The following TMEM108 variants were observed in gnomAD, a reference collection of about 807,000 sequenced individuals.
TMEM108 encodes cancer/testis antigen 124.
In TMEM108, 12 loss-of-function variants were observed where a neutral mutation model predicts 35.1. The observed-to-expected ratio is 0.34, with a 90% CI of 0.22 to 0.55. The LOEUF is 0.55. Among genes scored for constraint, TMEM108 ranks in the 20% least tolerant of loss-of-function variants. TMEM108 has a pLI of 0.89. For synonymous variants in TMEM108, 287 were observed against 308.6 expected (o/e 0.93, Z 0.73); for missense variants, 680 against 753.3 (o/e 0.90, Z 1.14).
chr3:133,242,396 A>C (rs934735306), intron 3 of TMEM108, among the ~76,000 whole-genome samples: 1 of 152,242 alleles, frequency 6.6e-6, no homozygotes, highest in Non-Finnish European at 1.5e-5. Context: ...AAGAGATGGA[A>C]CCATGAGTTT....
chr3:133,163,127 A>C (rs79828173), intron 2 of TMEM108, among the ~76,000 whole-genome samples: 4,996 of 152,258 alleles, frequency 0.033, 284 homozygotes, highest in African/African-American at 0.11. Flanking sequence ...CATCTCCCAG[A>C]GAGTGCCAAG....
In TMEM108 at chr3:133,379,842, GCAC is replaced by G; in HGVS notation, c.132_134del (p.Thr45del). The G allele has an allele frequency of 6.2e-7, 1 of 1,613,866 alleles. No homozygotes were observed. Among genetic ancestry groups the G allele is most frequent in the Non-Finnish European group, 8.5e-7 (1 of 1,179,918 alleles). On this transcript the variant is annotated inframe_deletion, in exon 4 of 6. Coordinates refer to ENST00000321871, the MANE Select transcript of TMEM108 (RefSeq NM_023943.4). The stretch of plus-strand genomic sequence containing the variant: ...GAATCTCTTCAGGTCCTCCCTTCAG[GCAC>G]TCCCCCGGGAACCATGGTGACAGCA...
In TMEM108 at chr3:133,397,071, C is replaced by G. The variant is rs1005570521; in HGVS notation, c.*1085C>G. 6.6e-6 allele frequency: 1 copy of G among 152,234 alleles called. No individual in the cohort carries two copies. The highest frequency in any genetic ancestry group is 1.5e-5 in the Non-Finnish European group (1 of 68,048). The allele number at this position is 152,234 out of a possible 1,614,324, so 9.4% of individuals were successfully genotyped here. ...CAGCCGGTGGACTTGCCATCCAGCT[C>G]TCAGCTTCCACTGCTCCCCTTGTTC... is the stretch of plus-strand genomic sequence containing the variant. On this transcript the variant is annotated 3_prime_UTR_variant, in exon 6 of 6. Transcript: ENST00000321871.
chr3:133,372,551 G>GC lies in TMEM108; in HGVS notation c.41-7199dup, dbSNP rs149655574. Among the ~76,000 whole-genome samples, 417 of 152,276 alleles carry GC rather than the reference G, an allele frequency of 2.7e-3. 2 individuals are homozygous for GC. The highest frequency in any genetic ancestry group is 9.7e-3 in the African/African-American group (403 of 41,558). On this transcript the variant is annotated intron_variant, in intron 3 of 5. Coordinates refer to ENST00000321871, the MANE Select transcript of TMEM108 (RefSeq NM_023943.4). ...CAAGGTGAATTCATGTTGGCTGAAGGCCATAGGTGTGTCTGGGGCACACAA... is the reference window on the plus strand; with the variant it reads ...CAAGGTGAATTCATGTTGGCTGAAGGCCCATAGGTGTGTCTGGGGCACACAA...
At chr3:133,383,841 C>T (rs545146888) in intron 4 of TMEM108, among the ~76,000 whole-genome samples, 1 of 152,300 alleles carries the variant, frequency 6.6e-6, no homozygotes, top group South Asian at 2.1e-4. Flanking sequence ...ACCGCACACC[C>T]CACTCCCTTT....
intron 3 of TMEM108, among the ~76,000 whole-genome samples, chr3:133,284,144 C>A (rs1946953137): frequency 1.3e-5 from 2 of 152,146 alleles, no homozygotes; most frequent in African/African-American, 4.8e-5. Context: ...TCTGTTTGGG[C>A]TCCTCTATTT....
chr3:133,162,168 T>A (rs932733809), intron 2 of TMEM108, among the ~76,000 whole-genome samples: 1 of 151,914 alleles, frequency 6.6e-6, no homozygotes, highest in African/African-American at 2.4e-5. Flanking sequence ...TTTTCATATA[T>A]ACAAAAGGTT....
At chr3:133,250,643 A>T (rs576580753) in intron 3 of TMEM108, among the ~76,000 whole-genome samples, 1 of 152,348 alleles carries the variant, frequency 6.6e-6, no homozygotes, top group South Asian at 2.1e-4. Flanking sequence ...TACAGTTAGC[A>T]GCAATAGCCT....
At chr3:133,253,383 A>G (rs1366770131) in intron 3 of TMEM108, 2 of 152,320 alleles carry the variant, frequency 1.3e-5, no homozygotes, top group East Asian at 1.9e-4. Context: ...GCATCAAGTG[A>G]TCTGTAAGGT....
intron 2 of TMEM108, among the ~76,000 whole-genome samples, chr3:133,219,799 G>C (rs1345240271): frequency 6.6e-6 from 1 of 152,074 alleles, no homozygotes; most frequent in East Asian, 1.9e-4. Context: ...TGTGTATTCT[G>C]CTGCTCTTAG....
intron 2 of TMEM108, among the ~76,000 whole-genome samples, chr3:133,217,115 C>T (rs527763407): frequency 6.6e-6 from 1 of 152,116 alleles, no homozygotes; most frequent in African/African-American, 2.4e-5. Context: ...TTGGTAATAG[C>T]CATTCTAACA....
chr3:133,106,175 GTTT>G (rs745343008), intron 2 of TMEM108, among the ~76,000 whole-genome samples: 6 of 89,658 alleles, frequency 6.7e-5, no homozygotes, highest in African/African-American at 1.3e-4. Context: ...GAGGTTAAAG[GTTT>G]TTTTTTTTTT....
chr3:133,181,361 G>A (rs1945342292), intron 2 of TMEM108, among the ~76,000 whole-genome samples: 2 of 152,018 alleles, frequency 1.3e-5, no homozygotes, highest in Admixed American at 6.6e-5. Context: ...CAATCACTAG[G>A]GGCTACATTA....
chr3:133,194,404 A>G (rs753978203), intron 2 of TMEM108, among the ~76,000 whole-genome samples: 30 of 152,062 alleles, frequency 2.0e-4, no homozygotes, highest in Non-Finnish European at 3.1e-4. Context: ...CATTAATACT[A>G]TTTTTTCAAA....
intron 3 of TMEM108, among the ~76,000 whole-genome samples, chr3:133,279,808 A>G (rs920443903): frequency 1.3e-5 from 2 of 152,212 alleles, no homozygotes; most frequent in Non-Finnish European, 2.9e-5. Flanking sequence ...AATAGAATCT[A>G]TGAGCTTGTC....
At chr3:133,304,219 C>G (rs992211099) in intron 3 of TMEM108, among the ~76,000 whole-genome samples, 1 of 152,160 alleles carries the variant, frequency 6.6e-6, no homozygotes, top group Non-Finnish European at 1.5e-5. Context: ...CTGTGGTCAT[C>G]TCACTCTAAG....
chr3:133,388,461 T>C (rs2073186894), intron 4 of TMEM108: 3 of 985,090 alleles, frequency 3.0e-6, no homozygotes, highest in Non-Finnish European at 3.6e-6. Context: ...TCTTCAACCA[T>C]CTGAAGAAAG....
intron 2 of TMEM108, among the ~76,000 whole-genome samples, chr3:133,175,096 T>G (rs1945196812): frequency 1.3e-5 from 2 of 152,076 alleles, no homozygotes; most frequent in Non-Finnish European, 2.9e-5. Flanking sequence ...ATCAAATGAA[T>G]GAAATGAAGT....
At chr3:133,153,880 C>CAT (rs764040787) in intron 2 of TMEM108, among the ~76,000 whole-genome samples, 41 of 151,994 alleles carry the variant, frequency 2.7e-4, no homozygotes, top group Admixed American at 4.6e-4. Context: ...AAGGGAAGCA[C>CAT]ATATATATAT....
Sources: allele counts gnomAD v4.1 joint callset (sites outside exome capture counted in the v4.1 genomes callset), GRCh38; gene constraint gnomAD v4.1.1; transcripts MANE v1.5; gene names NCBI Gene and HGNC (gene_info 2026-07-23, HGNC 2026-07-21).